The following OLA1 variants were observed in gnomAD, a reference collection of about 807,000 sequenced individuals.
The protein encoded by OLA1 is obg-like ATPase 1.
Under a neutral mutation model 48.4 loss-of-function variants are expected in OLA1, and 14 were observed. The observed-to-expected ratio is 0.29, with a 90% confidence interval of 0.19 to 0.45. The LOEUF (loss-of-function observed/expected upper bound fraction) is 0.45, where lower values mean the gene tolerates loss of function less well. Ranked by LOEUF, OLA1 falls within the 20% of genes least tolerant of loss-of-function variation. OLA1 has a pLI of 1.00. For synonymous variants in OLA1, 127 were observed against 150.4 expected (o/e 0.84, Z 1.14); for missense variants, 325 against 467.1 (o/e 0.70, Z 2.80).
At chr2:174,076,807 ATG>A (rs1024034595) in intron 10 of OLA1, among the ~76,000 whole-genome samples, 13 of 148,388 alleles carry the variant, frequency 8.8e-5, no homozygotes, top group South Asian at 2.1e-4. Flanking sequence ...TATGACACAT[ATG>A]TGTGTGTGTA....
intron 2 of OLA1, among the ~76,000 whole-genome samples, chr2:174,240,929 C>G (rs145437196): frequency 6.6e-6 from 1 of 152,308 alleles, no homozygotes; most frequent in Non-Finnish European, 1.5e-5. Flanking sequence ...GATGGCCACA[C>G]ATTTTTTGTC....
chr2:174,178,330 C>G (rs1314675991), intron 4 of OLA1, among the ~76,000 whole-genome samples: 1 of 151,910 alleles, frequency 6.6e-6, no homozygotes, highest in Non-Finnish European at 1.5e-5. Context: ...ACACAGCTCT[C>G]TGGGAAGAAC....
Position 174,193,091 on chromosome 2 carries a change from C to CTT in OLA1, c.373+29940_373+29941dup, listed in dbSNP as rs34103927. Among the ~76,000 whole-genome samples the CTT allele has an allele frequency of 2.8e-3, 380 of 137,906 alleles. 10 individuals are homozygous for CTT. Among genetic ancestry groups the CTT allele is most frequent in the South Asian group, 0.01 (44 of 4,358 alleles). The allele number at this position is 137,906 out of a possible 152,430, so 90.5% of individuals were successfully genotyped here. On this transcript the variant is annotated intron_variant, in intron 4 of 10. Transcript: ENST00000284719. ...TATTTCTTAAAATATTTCTTTCTTT[C>CTT]TTTTTTTTTTTTTTTGAGATGGGGG...
At chr2:174,093,151 C>G (rs1411199444) in intron 7 of OLA1, among the ~76,000 whole-genome samples, 2 of 151,922 alleles carry the variant, frequency 1.3e-5, no homozygotes, top group Admixed American at 6.6e-5. Context: ...CCAGGCTTTA[C>G]AAAAAAAGCT....
intron 7 of OLA1, among the ~76,000 whole-genome samples, chr2:174,115,604 T>C (rs895931401): frequency 2.0e-5 from 3 of 152,208 alleles, no homozygotes; most frequent in African/African-American, 7.2e-5. Context: ...TTATTCCTTT[T>C]TGATGGCCCA....
At chr2:174,154,209 C>A (rs1686815696) in intron 4 of OLA1, among the ~76,000 whole-genome samples, 1 of 152,170 alleles carries the variant, frequency 6.6e-6, no homozygotes, top group Non-Finnish European at 1.5e-5. Flanking sequence ...TTCTGCCCTA[C>A]TTCCAATATT....
intron 4 of OLA1, among the ~76,000 whole-genome samples, chr2:174,204,338 T>C (rs963094536): frequency 1.8e-4 from 28 of 152,002 alleles, no homozygotes; most frequent in African/African-American, 6.8e-4. Context: ...GAGGCAAAGC[T>C]TGCAGTGAGC....
At chr2:174,190,098 G>GA (rs113435425) in intron 4 of OLA1, among the ~76,000 whole-genome samples, 1 of 151,712 alleles carries the variant, frequency 6.6e-6, no homozygotes, top group Non-Finnish European at 1.5e-5. Context: ...TAAGAAAGAG[G>GA]AAAAAAATAT....
At chr2:174,188,916 C>T (rs749374879) in intron 4 of OLA1, among the ~76,000 whole-genome samples, 3 of 152,122 alleles carry the variant, frequency 2.0e-5, no homozygotes, top group Non-Finnish European at 2.9e-5. Context: ...ATCCAAAACA[C>T]TTCTGGCCCC....
At chr2:174,181,480 A>C (rs1687535674) in intron 4 of OLA1, among the ~76,000 whole-genome samples, 1 of 152,192 alleles carries the variant, frequency 6.6e-6, no homozygotes, top group African/African-American at 2.4e-5. Flanking sequence ...TAGAGAGAAA[A>C]TGTGAAATAC....
chr2:174,240,746 A>T lies in OLA1; in HGVS notation c.101+5969T>A, dbSNP rs141709893. ...AGCTCTTTAGAATGAAAATACTCAGATCATCAGTATTTGCAGCCTAGAGAA... is the reference window on the plus strand; with the variant it reads ...AGCTCTTTAGAATGAAAATACTCAGTTCATCAGTATTTGCAGCCTAGAGAA... On this transcript the variant is annotated intron_variant, in intron 2 of 10. Transcript: ENST00000284719. Among the ~76,000 whole-genome samples the T allele has an allele frequency of 1.9e-3, 288 of 152,252 alleles. 4 individuals carry two copies. The highest frequency in any genetic ancestry group is 0.015 in the Admixed American group (227 of 15,288).
intron 4 of OLA1, among the ~76,000 whole-genome samples, chr2:174,144,825 G>A (rs1361234703): frequency 6.7e-6 from 1 of 149,694 alleles, no homozygotes; most frequent in Non-Finnish European, 1.5e-5. Context: ...GTGCACGCCT[G>A]TGGTCTCAGC....
intron 2 of OLA1, among the ~76,000 whole-genome samples, chr2:174,232,174 G>C (rs1281947790): frequency 6.6e-6 from 1 of 152,122 alleles, no homozygotes; most frequent in Non-Finnish European, 1.5e-5. Context: ...CTTTATTTTG[G>C]AAATTACTAT....
chr2:174,093,191 G>A (rs1685166606), intron 7 of OLA1, among the ~76,000 whole-genome samples: 2 of 152,214 alleles, frequency 1.3e-5, no homozygotes, highest in South Asian at 2.1e-4. Context: ...GCTCACGCCT[G>A]TAATCCCAGC....
intron 4 of OLA1, among the ~76,000 whole-genome samples, chr2:174,191,313 C>T (rs921624828): frequency 2.0e-5 from 3 of 152,164 alleles, no homozygotes; most frequent in African/African-American, 4.8e-5. Context: ...AGAACAGCTT[C>T]AGCGTATGTT....
intron 4 of OLA1, among the ~76,000 whole-genome samples, chr2:174,219,908 T>TGG (rs1688461782): frequency 6.6e-6 from 1 of 152,030 alleles, no homozygotes; most frequent in Non-Finnish European, 1.5e-5. Context: ...GAGGTGGGCA[T>TGG]ATCACTTGAG....
intron 4 of OLA1, among the ~76,000 whole-genome samples, chr2:174,198,291 A>C (rs908545711): frequency 6.6e-6 from 1 of 152,200 alleles, no homozygotes; most frequent in Non-Finnish European, 1.5e-5. Context: ...AATGCTTGCA[A>C]AGCAAAAATG....
intron 4 of OLA1, among the ~76,000 whole-genome samples, chr2:174,168,275 T>C (rs1034360454): frequency 1.3e-5 from 2 of 151,884 alleles, no homozygotes; most frequent in Non-Finnish European, 2.9e-5. Flanking sequence ...GAACCATGCA[T>C]AGGGAGGGGA....
At chr2:174,113,873 T>C (rs1340114820) in intron 7 of OLA1, among the ~76,000 whole-genome samples, 1 of 152,122 alleles carries the variant, frequency 6.6e-6, no homozygotes, top group Non-Finnish European at 1.5e-5. Flanking sequence ...TTTATAATCT[T>C]TCCAACCGCC....
Sources: allele counts gnomAD v4.1 joint callset (sites outside exome capture counted in the v4.1 genomes callset), GRCh38; gene constraint gnomAD v4.1.1; transcripts MANE v1.5; gene names NCBI Gene and HGNC (gene_info 2026-07-23, HGNC 2026-07-21).